The following BRD3 variants were observed in gnomAD, a reference collection of about 807,000 sequenced individuals.
BRD3 encodes the protein bromodomain containing 3.
Under a neutral mutation model 66.8 loss-of-function variants are expected in BRD3, and 17 were observed. The ratio of observed to expected loss-of-function variants is 0.25; its 90% CI spans 0.17 to 0.38. BRD3 has a LOEUF of 0.38. Ranked by LOEUF, BRD3 falls within the 10% of genes least tolerant of loss-of-function variation. The probability of loss-of-function intolerance (pLI) is 1.00; values close to 1 mark genes in which losing one functional copy is unlikely to be tolerated. For synonymous variants in BRD3, 421 were observed against 393.2 expected (o/e 1.07, Z -0.84); for missense variants, 713 against 956.1 (o/e 0.75, Z 3.35).
At chr9:134,034,659 C>A (rs202110624) in intron 11 of BRD3, 42 bp downstream of exon 11, 1 of 1,598,384 alleles carries the variant, frequency 6.3e-7, no homozygotes, top group Non-Finnish European at 8.5e-7. Context: ...TGACACCCCC[C>A]ACCCCCCTAA....
chr9:134,043,238 T>C (rs1338422131), intron 7 of BRD3, among the ~76,000 whole-genome samples: 2 of 152,110 alleles, frequency 1.3e-5, no homozygotes, highest in East Asian at 3.9e-4. Flanking sequence ...CCCAAAGTGC[T>C]GAGATTACAG....
Position 134,040,037 on chromosome 9 carries a change from C to T in BRD3, c.1640G>A (p.Gly547Asp), listed in dbSNP as rs866899408. The T allele has an allele frequency of 1.3e-6, 2 of 1,587,280 alleles. No individual in the cohort carries two copies. Among genetic ancestry groups the T allele is most frequent in the African/African-American group, 2.7e-5 (2 of 74,560 alleles). Reference protein sequence around the residue: ...AKKANSTTTAGRQLKKGGKQA... With the variant: ...AKKANSTTTADRQLKKGGKQA... ...CCCGAGCAGGTCTGGAGCCCACCTG[C>T]CGGCCGTGGTCGTGCTGTTGGCCTT... The change falls in exon 9 of 12, where the codon GGC becomes GAC. Residue 547 changes from glycine to aspartate, a missense_variant. By Grantham distance (94) the Gly-to-Asp change is moderately conservative. This residue lies in a region of BRD3 where 418 missense variants were observed against 609.3 expected (regional missense o/e 0.69). Transcript: ENST00000303407.
chr9:134,044,623 C>A (rs932522408), intron 7 of BRD3, among the ~76,000 whole-genome samples: 2 of 152,180 alleles, frequency 1.3e-5, no homozygotes, highest in Non-Finnish European at 2.9e-5. Flanking sequence ...CTGGCACATC[C>A]ACCCACACCA....
At position 134,037,286 on chromosome 9, in the gene BRD3, G is replaced by A. The variant is rs566988719; in HGVS notation, c.1644-962C>T. On this transcript the variant is annotated intron_variant, in intron 9 of 11. Transcript: ENST00000303407. ...AGTATGTTCAGGAAAAAAGGACAACGCAGGGCTGGGCGCGGTGGCTCACGC... is the reference window on the plus strand; with the variant it reads ...AGTATGTTCAGGAAAAAAGGACAACACAGGGCTGGGCGCGGTGGCTCACGC... 5.3e-5 allele frequency among the ~76,000 whole-genome samples: 8 copies of A among 151,654 alleles called. No homozygotes were observed. The South Asian group carries it at 8.4e-4, about 16-fold the overall frequency.
chr9:134,065,062 A>G (rs1830620784), intron 1 of BRD3, among the ~76,000 whole-genome samples: 2 of 152,238 alleles, frequency 1.3e-5, no homozygotes, highest in Admixed American at 1.3e-4. Flanking sequence ...TTACGGCAAG[A>G]AGCCTTGCAT....
chr9:134,062,447 T>A (rs1830564052), intron 1 of BRD3, among the ~76,000 whole-genome samples: 1 of 152,186 alleles, frequency 6.6e-6, no homozygotes, highest in Non-Finnish European at 1.5e-5. Context: ...CAGTGCCTTC[T>A]AGACCTAAGA....
chr9:134,035,747 C>T (rs1422760542), intron 10 of BRD3, among the ~76,000 whole-genome samples: 1 of 152,268 alleles, frequency 6.6e-6, no homozygotes, highest in East Asian at 1.9e-4. Context: ...GTCGCGCACT[C>T]CTTGGACAAG....
chr9:134,033,500 G>A lies in BRD3; in HGVS notation c.*90C>T. On this transcript the variant is annotated 3_prime_UTR_variant, in exon 12 of 12. Coordinates refer to ENST00000303407, the MANE Select transcript of BRD3 (RefSeq NM_007371.4). This position sits in a 1 kb window ranked among gnomAD's most constrained non-coding sequence, Gnocchi z 5.1. Reference sequence around the variant, plus strand: ...ATTAAGAAGCAGACCTGCACACCATGGAACAGAAGTAGTAATATGAACCAC... The same window carrying A: ...ATTAAGAAGCAGACCTGCACACCATAGAACAGAAGTAGTAATATGAACCAC... The A allele has an allele frequency of 1.6e-6, 1 of 643,816 alleles. No individual in the cohort carries two copies. The highest frequency in any genetic ancestry group is 2.4e-5 in the Admixed American group (1 of 41,892). The allele number at this position is 643,816 out of a possible 1,614,324, so 39.9% of individuals were successfully genotyped here.
intron 4 of BRD3, 100 bp downstream of exon 4, chr9:134,051,462 T>C: frequency 2.3e-6 from 3 of 1,298,010 alleles, no homozygotes; most frequent in South Asian, 3.5e-5. Context: ...TCACGACAGA[T>C]GGGAAACAGC....
intron 7 of BRD3, among the ~76,000 whole-genome samples, chr9:134,043,730 G>A (rs1332662004): frequency 1.3e-5 from 2 of 152,156 alleles, no homozygotes; most frequent in Non-Finnish European, 2.9e-5. Context: ...GGTCTCCTCT[G>A]TTGCCCAGGC....
At position 134,031,951 on chromosome 9, in the gene BRD3, G is replaced by A. The variant is rs115197915; in HGVS notation, c.*1639C>T. On this transcript the variant is annotated 3_prime_UTR_variant, in exon 12 of 12. Coordinates refer to ENST00000303407, the MANE Select transcript of BRD3 (RefSeq NM_007371.4). ...AGCAGGGAGCACCGTGCGAGTCTCC[G>A]GGAGGGAATCCTCCTGGGGCCCAGA... The A allele has an allele frequency of 2.9e-3, 631 of 217,400 alleles. 6 individuals carry two copies. The highest frequency in any genetic ancestry group is 0.013 in the African/African-American group (587 of 44,496). 13.5% of individuals were successfully genotyped at this position (217,400 alleles called of 1,614,324 possible). A position where few individuals can be genotyped will look rare whatever the true frequency, so the allele number is the denominator to read the frequency against.
intron 6 of BRD3, among the ~76,000 whole-genome samples, chr9:134,047,849 T>C (rs944842891): frequency 2.0e-5 from 3 of 152,126 alleles, no homozygotes; most frequent in Non-Finnish European, 2.9e-5. Flanking sequence ...ACGGGTTCGA[T>C]GGGAATAAAC....
At chr9:134,052,616 T>C (rs1830328667) in intron 2 of BRD3, among the ~76,000 whole-genome samples, 173 bp from the exon 3 acceptor site, 1 of 152,152 alleles carries the variant, frequency 6.6e-6, no homozygotes, top group African/African-American at 2.4e-5. Context: ...CTTGGCCAGC[T>C]CCAAACTCCT....
intron 1 of BRD3, among the ~76,000 whole-genome samples, chr9:134,062,446 C>G (rs1209813496): frequency 6.6e-6 from 1 of 152,192 alleles, no homozygotes; most frequent in Non-Finnish European, 1.5e-5. Context: ...CCAGTGCCTT[C>G]TAGACCTAAG....
Position 134,036,069 on chromosome 9 carries a change from G to A in BRD3, c.1899C>T (p.Val633=), listed in dbSNP as rs1829905724. ...TTTGCTTTTTCTGTAAACAAGACTT[G>A]ACATATCTCTCCAGTTCCCGCAAAG... ...PTTLRELERY[V]KSCLQKKQRK... is the part of the protein sequence containing the mutation. Residue 633 remains valine, a synonymous_variant, in exon 10 of 12, where the codon GTC becomes GTT. Transcript: ENST00000303407. The A allele has an allele frequency of 6.2e-7, 1 of 1,612,996 alleles. No individual in the cohort carries two copies. Among genetic ancestry groups the A allele is most frequent in the Non-Finnish European group, 8.5e-7 (1 of 1,179,400 alleles).
At chr9:134,047,752 C>T (rs1487568206) in intron 6 of BRD3, among the ~76,000 whole-genome samples, 1 of 152,200 alleles carries the variant, frequency 6.6e-6, no homozygotes, top group Non-Finnish European at 1.5e-5. Context: ...TAAAACTTTG[C>T]CAACTGTGAG....
rs1017946082 is a variant in BRD3, at chr9:134,051,510, C to T, written c.499+52G>A. ...AGGATCGCGTCCCAGCCCATCCACC[C>T]GTGGGCCTCTGCAGAGAGGCCCAGC... On this transcript the variant is annotated intron_variant, in intron 4 of 11. Transcript: ENST00000303407. 2.3e-5 allele frequency: 34 copies of T among 1,461,556 alleles called. 1 individual carries two copies. In the South Asian group the frequency reaches 3.5e-4, roughly 15 times the overall value. The allele number at this position is 1,461,556 out of a possible 1,614,324, so 90.5% of individuals were successfully genotyped here. A position where few individuals can be genotyped will look rare whatever the true frequency, so the allele number is the denominator to read the frequency against.
At chr9:134,034,271 G>A (rs1454303512) in intron 11 of BRD3, among the ~76,000 whole-genome samples, 2 of 152,264 alleles carry the variant, frequency 1.3e-5, no homozygotes, top group East Asian at 3.8e-4. Flanking sequence ...TGGCTCCCCT[G>A]AGCAAAGGAC....
intron 9 of BRD3, among the ~76,000 whole-genome samples, chr9:134,038,193 C>T (rs1358136671): frequency 3.3e-5 from 5 of 152,262 alleles, no homozygotes; most frequent in South Asian, 4.1e-4. Flanking sequence ...CTTGCTCTGT[C>T]GCCCAGGCTG....
Sources: allele counts gnomAD v4.1 joint callset (sites outside exome capture counted in the v4.1 genomes callset), GRCh38; gene constraint gnomAD v4.1.1; regional missense constraint gnomAD v4.1.1; non-coding constraint Gnocchi (gnomAD v3.1); transcripts MANE v1.5; gene names NCBI Gene and HGNC (gene_info 2026-07-23, HGNC 2026-07-21).